Variants in PDE7A observed in about 807,000 individuals in gnomAD.
PDE7A encodes the protein high affinity 3',5'-cyclic-AMP phosphodiesterase 7A.
Under a neutral mutation model 64.3 loss-of-function variants are expected in PDE7A, and 39 were observed. The ratio of observed to expected loss-of-function variants is 0.61; its 90% confidence interval spans 0.47 to 0.79. PDE7A has a LOEUF of 0.79. PDE7A is among the 30% of genes least tolerant of loss of function. The pLI, the probability that PDE7A is intolerant of heterozygous loss-of-function variation, is 0.00. For missense variants in PDE7A, 470 were observed against 582.8 expected, an observed-to-expected ratio of 0.81 and a Z score of 1.99; for synonymous variants, 203 against 206.8, an observed-to-expected ratio of 0.98 and a Z score of 0.16.
intron 11 of PDE7A, among the ~76,000 whole-genome samples, chr8:65,723,883 G>T (rs1010288735): frequency 2.0e-5 from 3 of 152,070 alleles, no homozygotes; most frequent in African/African-American, 7.2e-5. Context: ...TGAAAGGAAG[G>T]TTCATGAAAT....
intron 5 of PDE7A, among the ~76,000 whole-genome samples, chr8:65,744,601 C>G (rs1224477007): frequency 6.6e-6 from 1 of 152,188 alleles, no homozygotes; most frequent in Non-Finnish European, 1.5e-5. Flanking sequence ...CTTAAAGAAG[C>G]TACAGCTCTT....
rs562659027 is a variant in PDE7A, at chr8:65,813,970, A to T, written c.138+27401T>A. Among the ~76,000 whole-genome samples the T allele has an allele frequency of 6.9e-4, 105 of 152,354 alleles. 1 individual carries two copies. The highest frequency in any genetic ancestry group is 1.3e-3 in the Non-Finnish European group (86 of 68,030). ...CAAGTTGAGCAATTTCAGTTTGCAA[A>T]TGATTTTATTCTCTTTTATTAAAAT... On this transcript the variant is annotated intron_variant, in intron 1 of 12. Transcript: ENST00000401827.
rs955865174 is a variant in PDE7A at position 65,714,674 on chromosome 8, G to A, written c.*4616C>T. 3.3e-5 allele frequency: 5 copies of A among 152,160 alleles called. No individual in the cohort carries two copies. Among genetic ancestry groups the A allele is most frequent in the Admixed American group, 2.6e-4 (4 of 15,270 alleles). 9.4% of individuals were successfully genotyped at this position (152,160 alleles called of 1,614,324 possible). On this transcript the variant is annotated 3_prime_UTR_variant, in exon 13 of 13. Coordinates refer to ENST00000401827, the MANE Select transcript of PDE7A (RefSeq NM_001242318.3). ...TGTATTTTCTCAATCAGGAGATACC[G>A]ATTGAGGGGATTTTAAACAACATTT...
chr8:65,770,121 C>CTGTGTGTGTG (rs10608556), intron 3 of PDE7A, among the ~76,000 whole-genome samples: 13 of 146,452 alleles, frequency 8.9e-5, no homozygotes, highest in Admixed American at 6.1e-4. Context: ...CAGTATACTT[C>CTGTGTGTGTG]TGTGTGTGTG....
chr8:65,724,722 T>C (rs1317448285), intron 10 of PDE7A, 55 bp downstream of exon 10: 2 of 1,437,292 alleles, frequency 1.4e-6, no homozygotes, highest in Admixed American at 2.0e-5. Flanking sequence ...CATTTTTTAG[T>C]TTGACAGTCA....
At chr8:65,839,010 T>C (rs1225918365) in intron 1 of PDE7A, among the ~76,000 whole-genome samples, 1 of 152,234 alleles carries the variant, frequency 6.6e-6, no homozygotes. Context: ...TGCTGTACCT[T>C]CATGCTCCAT....
chr8:65,793,378 T>C (rs1425049990), intron 1 of PDE7A, among the ~76,000 whole-genome samples: 3 of 151,962 alleles, frequency 2.0e-5, no homozygotes, highest in African/African-American at 7.3e-5. Context: ...AAATTAAAGG[T>C]ATGTCAGTAT....
rs572581414 is a variant in PDE7A at position 65,815,473 on chromosome 8, A to T, written c.138+25898T>A. Reference sequence around the variant, plus strand: ...TTGAGATTTAAGAACTAGGCAAAAGATAAGCAAAACTAACTCCCAGTCATG... The same window carrying T: ...TTGAGATTTAAGAACTAGGCAAAAGTTAAGCAAAACTAACTCCCAGTCATG... On this transcript the variant is annotated intron_variant, in intron 1 of 12. Coordinates refer to ENST00000401827, the MANE Select transcript of PDE7A (RefSeq NM_001242318.3). 2.0e-5 allele frequency among the ~76,000 whole-genome samples: 3 copies of T among 152,340 alleles called. No homozygotes were observed. The South Asian group carries it at 6.2e-4, about 32-fold the overall frequency.
chr8:65,801,277 G>A (rs1482562238), intron 1 of PDE7A, among the ~76,000 whole-genome samples: 1 of 152,138 alleles, frequency 6.6e-6, no homozygotes, highest in Non-Finnish European at 1.5e-5. Context: ...GACTAGTTTA[G>A]AAACACAACT....
At position 65,716,508 on chromosome 8, in the gene PDE7A, A is replaced by G. The variant is rs1214391612; in HGVS notation, c.*2782T>C. On this transcript the variant is annotated 3_prime_UTR_variant, in exon 13 of 13. Coordinates refer to ENST00000401827, the MANE Select transcript of PDE7A (RefSeq NM_001242318.3). ...GAAGAGGGTACCCTGGTCCACAAAC[A>G]TGAATATCACAGAAGACATGGGTCT... is the stretch of plus-strand genomic sequence containing the variant. Among the ~76,000 whole-genome samples, 1 of 152,106 alleles carries G rather than the reference A, an allele frequency of 6.6e-6. No individual in the cohort carries two copies. The highest frequency in any genetic ancestry group is 1.5e-5 in the Non-Finnish European group (1 of 68,014).
At chr8:65,822,856 T>C (rs1046150391) in intron 1 of PDE7A, among the ~76,000 whole-genome samples, 13 of 152,052 alleles carry the variant, frequency 8.5e-5, no homozygotes, top group African/African-American at 2.9e-4. Flanking sequence ...TTGGAGGAGG[T>C]GGAAATAATG....
intron 6 of PDE7A, among the ~76,000 whole-genome samples, chr8:65,736,689 G>A (rs1387107636): frequency 1.3e-5 from 2 of 151,826 alleles, no homozygotes; most frequent in Non-Finnish European, 2.9e-5. Context: ...GGTTGAGGGT[G>A]CAGTGAGCCA....
chr8:65,757,045 A>G (rs570059922), intron 3 of PDE7A, among the ~76,000 whole-genome samples: 68 of 152,278 alleles, frequency 4.5e-4, no homozygotes, highest in African/African-American at 1.5e-3. Flanking sequence ...GTGTTCAGCT[A>G]TGTGGAGGCT....
chr8:65,829,610 A>G (rs1310140648), intron 1 of PDE7A, among the ~76,000 whole-genome samples: 2 of 152,136 alleles, frequency 1.3e-5, no homozygotes, highest in Non-Finnish European at 1.5e-5. Flanking sequence ...CTAAATTTAA[A>G]GCCGTAACTT....
intron 7 of PDE7A, among the ~76,000 whole-genome samples, chr8:65,733,630 A>G (rs183980659): frequency 8.5e-4 from 129 of 152,264 alleles, no homozygotes; most frequent in Non-Finnish European, 1.2e-3. Context: ...TAGAGAAAAA[A>G]AAACAGTTGG....
intron 1 of PDE7A, among the ~76,000 whole-genome samples, chr8:65,802,186 A>G (rs1247934690): frequency 6.6e-6 from 1 of 152,226 alleles, no homozygotes; most frequent in African/African-American, 2.4e-5. Context: ...AGCAGGGAAT[A>G]GCAAGTTATT....
At chr8:65,827,202 A>G (rs957066278) in intron 1 of PDE7A, among the ~76,000 whole-genome samples, 58 of 152,222 alleles carry the variant, frequency 3.8e-4, no homozygotes, top group African/African-American at 1.3e-3. Flanking sequence ...AAAGTGTTCC[A>G]TAAGGCTGAA....
intron 1 of PDE7A, among the ~76,000 whole-genome samples, chr8:65,823,608 T>C (rs900358215): frequency 6.6e-6 from 1 of 152,106 alleles, no homozygotes; most frequent in African/African-American, 2.4e-5. Context: ...TAAAAATTTT[T>C]CCCTCCCATT....
chr8:65,820,871 T>C (rs1053173698), intron 1 of PDE7A, among the ~76,000 whole-genome samples: 1 of 152,222 alleles, frequency 6.6e-6, no homozygotes, highest in Non-Finnish European at 1.5e-5. Flanking sequence ...ATTACAGGCG[T>C]GAGCCACCAT....
Sources: allele counts gnomAD v4.1 joint callset (sites outside exome capture counted in the v4.1 genomes callset), GRCh38; gene constraint gnomAD v4.1.1; transcripts MANE v1.5; gene names NCBI Gene and HGNC (gene_info 2026-07-23, HGNC 2026-07-21).